CASKIN2: variants seen among roughly 807,000 people sequenced by gnomAD.
CASKIN2 encodes CASK interacting protein 2, also known as caskin-2.
CASKIN2 carries 41 observed loss-of-function variants against 107.1 expected under a neutral mutation model. The ratio of observed to expected loss-of-function variants is 0.38; its 90% CI spans 0.30 to 0.50. CASKIN2 has a LOEUF of 0.50. Ranked by LOEUF, CASKIN2 falls within the 20% of genes least tolerant of loss-of-function variation. The pLI is 0.92. For missense variants in CASKIN2, 1,546 were observed against 1,657.4 expected (o/e 0.93, Z 1.17); for synonymous variants, 724 against 705.6 (o/e 1.03, Z -0.41).
rs544494683 is a variant in CASKIN2 at position 75,504,857 on chromosome 17, T to C, written c.1147A>G (p.Thr383Ala). ...CCCACCCGAGGAAGCTGGCTGTAGG[T>C]AAGAGGGTGCGGGGGTTCTTCGGCA... The part of the protein sequence containing the change: ...PPAEEPPHPL[T>A]YSQLPRVGLS... Residue 383 changes from threonine (T) to alanine (A), a missense_variant, in exon 11 of 20, where the codon ACC (threonine) becomes GCC (alanine). This residue lies in a region of CASKIN2 where 1,311 missense variants were observed against 1,311.0 expected (regional missense o/e 1.00). Transcript: ENST00000321617. The C allele has an allele frequency of 6.2e-7, 1 of 1,606,772 alleles. No individual in the cohort carries two copies. Among genetic ancestry groups the C allele is most frequent in the African/African-American group, 1.4e-5 (1 of 72,948 alleles).
At chr17:75,507,988 C>T in intron 3 of CASKIN2, 2 of 591,854 alleles carry the variant, frequency 3.4e-6, no homozygotes, top group Non-Finnish European at 6.0e-6. Flanking sequence ...GGAATCTGAC[C>T]CCAGGAGGCC....
rs768786355 is a variant in CASKIN2, at chr17:75,505,479, T to C, written c.930+78A>G. ...CATATAGAGACCTCAGAGCAGAACG[T>C]GGTAACATAGCAGGTGCCCAAATAA... On this transcript the variant is annotated intron_variant, in intron 10 of 19. Transcript: ENST00000321617. The surrounding 1 kb of genome is among the most constrained non-coding windows in gnomAD (Gnocchi z 5.1). 1 of 1,346,806 alleles carries C rather than the reference T, an allele frequency of 7.4e-7. No homozygotes were observed. The highest frequency in any genetic ancestry group is 1.2e-5 in the South Asian group (1 of 85,516). The allele number at this position is 1,346,806 out of a possible 1,614,324, so 83.4% of individuals were successfully genotyped here. A position where few individuals can be genotyped will look rare whatever the true frequency, so the allele number is the denominator to read the frequency against.
At position 75,502,221 on chromosome 17, in the gene CASKIN2, C is replaced by G. The variant is rs368886818; in HGVS notation, c.2853G>C (p.Pro951=). Reference sequence around the variant, plus strand: ...TGGTCAGGTTCCCTTCCTCTGCAAACGGCAGCCCTTCCCCAGAGCTGCCCC... The same window carrying G: ...TGGTCAGGTTCCCTTCCTCTGCAAAGGGCAGCCCTTCCCCAGAGCTGCCCC... ...PSRGSSGEGL[P]FAEEGNLTIK... Residue 951 remains proline (P), a synonymous_variant, in exon 18 of 20, where the codon CCG becomes CCC. Transcript: ENST00000321617. The surrounding 1 kb of genome is among the most constrained non-coding windows in gnomAD (Gnocchi z 4.3). 1 of 1,588,192 alleles carries G rather than the reference C, an allele frequency of 6.3e-7. No homozygotes were observed. Among genetic ancestry groups the G allele is most frequent in the Non-Finnish European group, 8.5e-7 (1 of 1,172,558 alleles).
chr17:75,505,047 G>A lies in CASKIN2; in HGVS notation c.957C>T (p.Arg319=). 6.8e-7 allele frequency: 1 copy of A among 1,473,092 alleles called. No individual in the cohort carries two copies. Among genetic ancestry groups the A allele is most frequent in the Non-Finnish European group, 9.1e-7 (1 of 1,095,210 alleles). 91.3% of individuals were successfully genotyped at this position (1,473,092 alleles called of 1,614,324 possible). A position where few individuals can be genotyped will look rare whatever the true frequency, so the allele number is the denominator to read the frequency against. The part of the protein sequence containing the change: ...ITVLEQHPDG[R]WKGHIHESQR... The stretch of plus-strand genomic sequence containing the variant: ...GGCTCTCGTGGATGTGGCCCTTCCA[G>A]CGGCCGTCGGGATGCTGTTCTAGCA... Residue 319 remains arginine (R), a synonymous_variant, in exon 11 of 20, where the codon CGC becomes CGT. Coordinates refer to ENST00000321617, the MANE Select transcript of CASKIN2 (RefSeq NM_020753.5). This position sits in a 1 kb window ranked among gnomAD's most constrained non-coding sequence, Gnocchi z 5.1.
rs2053267863 is a variant in CASKIN2 at position 75,506,547 on chromosome 17, G to T, written c.617+36C>A. 1 of 1,608,504 alleles carries T rather than the reference G, an allele frequency of 6.2e-7. No individual in the cohort carries two copies. The highest frequency in any genetic ancestry group is 1.3e-5 in the African/African-American group (1 of 74,840). Reference sequence around the variant, plus strand: ...CTGAGGGGCACCGATGGTCCCGCAGGCAGGTGATGAGGAAGCGAGGGGACC... The same window carrying T: ...CTGAGGGGCACCGATGGTCCCGCAGTCAGGTGATGAGGAAGCGAGGGGACC... On this transcript the variant is annotated intron_variant, in intron 7 of 19. Coordinates refer to ENST00000321617, the MANE Select transcript of CASKIN2 (RefSeq NM_020753.5). The surrounding 1 kb of genome is among the most constrained non-coding windows in gnomAD (Gnocchi z 4.8).
intron 11 of CASKIN2, 35 bp downstream of exon 11, chr17:75,504,777 C>T: frequency 6.3e-7 from 1 of 1,589,220 alleles, no homozygotes. Context: ...CACACGCCCA[C>T]ACAGTGCCCA....
intron 2 of CASKIN2, among the ~76,000 whole-genome samples, chr17:75,512,297 G>C (rs2053321681): frequency 6.6e-6 from 1 of 152,182 alleles, no homozygotes; most frequent in African/African-American, 2.4e-5. Flanking sequence ...ACCACCTCCT[G>C]CCTATGCTGA....
intron 13 of CASKIN2, 27 bp downstream of exon 13, chr17:75,504,393 C>A: frequency 6.2e-7 from 1 of 1,603,010 alleles, no homozygotes; most frequent in East Asian, 2.2e-5. Context: ...CTCTCCTAGC[C>A]AACCCAGGTC....
At chr17:75,512,755 C>T (rs1183044624) in intron 2 of CASKIN2, among the ~76,000 whole-genome samples, 3 of 151,944 alleles carry the variant, frequency 2.0e-5, no homozygotes, top group African/African-American at 7.3e-5. Context: ...TAAAAATTAG[C>T]CAGGCGTTGT....
intron 1 of CASKIN2, among the ~76,000 whole-genome samples, chr17:75,515,018 GC>G (rs1343902182): frequency 2.0e-5 from 3 of 152,194 alleles, no homozygotes; most frequent in Non-Finnish European, 4.4e-5. Flanking sequence ...CAGGCCTGGG[GC>G]CCTGGCCGGG....
Position 75,505,272 on chromosome 17 carries a change from C to T in CASKIN2, c.931-199G>A, listed in dbSNP as rs903164834. ...CTCAATCTCCCCTGTGCCTCCAGGG[C>T]GAGCCCCAGTGGCAGCCCGTGGTCA... is the stretch of plus-strand genomic sequence containing the variant. On this transcript the variant is annotated intron_variant, in intron 10 of 19. Transcript: ENST00000321617. This position sits in a 1 kb window ranked among gnomAD's most constrained non-coding sequence, Gnocchi z 5.1. 15 of 674,104 alleles carry T rather than the reference C, an allele frequency of 2.2e-5. No individual in the cohort carries two copies. Among genetic ancestry groups the T allele is most frequent in the South Asian group, 1.7e-4 (9 of 53,646 alleles). 41.8% of individuals were successfully genotyped at this position (674,104 alleles called of 1,614,324 possible). A position where few individuals can be genotyped will look rare whatever the true frequency, so the allele number is the denominator to read the frequency against.
Position 75,505,966 on chromosome 17 carries a change from C to CT in CASKIN2, c.727-38dup. 1 of 1,556,098 alleles carries CT rather than the reference C, an allele frequency of 6.4e-7. No individual in the cohort carries two copies. The highest frequency in any genetic ancestry group is 8.8e-7 in the Non-Finnish European group (1 of 1,131,094). ...GTGTCACATGAGCACACGCTAAGCACTTTGACACCCCTCACCCGATTCTCT... is the reference window on the plus strand; with the variant it reads ...GTGTCACATGAGCACACGCTAAGCACTTTTGACACCCCTCACCCGATTCTCT... On this transcript the variant is annotated intron_variant, in intron 8 of 19. Coordinates refer to ENST00000321617, the MANE Select transcript of CASKIN2 (RefSeq NM_020753.5). The surrounding 1 kb of genome is among the most constrained non-coding windows in gnomAD (Gnocchi z 5.1).
In CASKIN2 at chr17:75,505,070, G is replaced by C. The variant is rs570652849; in HGVS notation, c.934C>G (p.Leu312Val). The stretch of plus-strand genomic sequence containing the variant: ...CAGCGGCCGTCGGGATGCTGTTCTA[G>C]CACCTGCGGCCAGGGGTGGGGGGCG... Reference protein sequence around the residue: ...NVRAGDVITVLEQHPDGRWKG... With the variant: ...NVRAGDVITVVEQHPDGRWKG... The change falls in exon 11 of 20, where the codon CTA becomes GTA. Residue 312 changes from leucine (L) to valine (V), a missense_variant. This residue lies in a region of CASKIN2 where 1,311 missense variants were observed against 1,311.0 expected (regional missense o/e 1.00). Transcript: ENST00000321617. The surrounding 1 kb of genome is among the most constrained non-coding windows in gnomAD (Gnocchi z 5.1). The C allele has an allele frequency of 3.9e-6, 5 of 1,267,318 alleles. No individual in the cohort carries two copies. Among genetic ancestry groups the C allele is most frequent in the Admixed American group, 1.9e-5 (1 of 52,808 alleles). 78.5% of individuals were successfully genotyped at this position (1,267,318 alleles called of 1,614,324 possible).
At chr17:75,503,787 C>G in intron 15 of CASKIN2, 27 bp from the exon 16 acceptor site, 1 of 1,611,478 alleles carries the variant, frequency 6.2e-7, no homozygotes, top group Non-Finnish European at 8.5e-7. Flanking sequence ...GGCCATCAGG[C>G]CCCTCCCCCG....
Position 75,502,815 on chromosome 17 carries a change from G to C in CASKIN2, c.2259C>G (p.Pro753=). 6.4e-7 allele frequency: 1 copy of C among 1,569,054 alleles called. No homozygotes were observed. Among genetic ancestry groups the C allele is most frequent in the South Asian group, 1.2e-5 (1 of 85,144 alleles). The change falls in exon 18 of 20, where the codon CCC becomes CCG. Residue 753 remains proline (P), a synonymous_variant. Coordinates refer to ENST00000321617, the MANE Select transcript of CASKIN2 (RefSeq NM_020753.5). This position sits in a 1 kb window ranked among gnomAD's most constrained non-coding sequence, Gnocchi z 4.3. The part of the protein sequence containing the change: ...CSSLPGQGPP[P]YVFMYPQGSP... ...AGCCCTGGGGGTACATAAAAACATA[G>C]GGTGGGGGTCCTTGGCCAGGAAGTG...
chr17:75,500,793 T>C lies in CASKIN2; in HGVS notation c.*287A>G. 2.5e-6 allele frequency: 1 copy of C among 395,800 alleles called. No individual in the cohort carries two copies. Among genetic ancestry groups the C allele is most frequent in the Non-Finnish European group, 4.7e-6 (1 of 213,266 alleles). 24.5% of individuals were successfully genotyped at this position (395,800 alleles called of 1,614,324 possible). A position where few individuals can be genotyped will look rare whatever the true frequency, so the allele number is the denominator to read the frequency against. ...ACTTCCTCCCTGAGGAGAGAGCTCTTACCAGGGTCCCTGTCCAGGAGCAGG... is the reference window on the plus strand; with the variant it reads ...ACTTCCTCCCTGAGGAGAGAGCTCTCACCAGGGTCCCTGTCCAGGAGCAGG... On this transcript the variant is annotated 3_prime_UTR_variant, in exon 20 of 20. Transcript: ENST00000321617.
At position 75,502,301 on chromosome 17, in the gene CASKIN2, G is replaced by A. The variant is rs1367822281; in HGVS notation, c.2773C>T (p.Pro925Ser). The A allele has an allele frequency of 9.4e-6, 14 of 1,496,576 alleles. No homozygotes were observed. Among genetic ancestry groups the A allele is most frequent in the Non-Finnish European group, 1.2e-5 (13 of 1,126,408 alleles). The allele number at this position is 1,496,576 out of a possible 1,614,324, so 92.7% of individuals were successfully genotyped here. Residue 925 changes from proline (P) to serine (S), a missense_variant, in exon 18 of 20, where the codon CCC (proline) becomes TCC (serine). Pro to Ser is a moderately conservative substitution (Grantham distance 74). Transcript: ENST00000321617. The surrounding 1 kb of genome is among the most constrained non-coding windows in gnomAD (Gnocchi z 4.3). ...EPPGPPAPAG[P>S]ASDTEEEEPG... ...TCCTCCTCCTCCGTGTCTGACGCGGGCCCAGCCGGGGCAGGTGGGCCAGGG... is the reference window on the plus strand; with the variant it reads ...TCCTCCTCCTCCGTGTCTGACGCGGACCCAGCCGGGGCAGGTGGGCCAGGG...
In CASKIN2 at chr17:75,501,919, G is replaced by T; in HGVS notation, c.3155C>A (p.Pro1052His). 1 of 1,584,298 alleles carries T rather than the reference G, an allele frequency of 6.3e-7. No homozygotes were observed. Among genetic ancestry groups the T allele is most frequent in the South Asian group, 1.2e-5 (1 of 86,094 alleles). Residue 1052 changes from proline to histidine, a missense_variant, in exon 18 of 20, where the codon CCC becomes CAC. Around this residue, in one of 6 missense-constraint regions of CASKIN2, gnomAD observed 1,311 missense variants for 1,311.0 expected, o/e 1.00. Coordinates refer to ENST00000321617, the MANE Select transcript of CASKIN2 (RefSeq NM_020753.5). ...SSLPAQGVPTPLAPSPAMQPP... is the reference protein window; with the variant it reads ...SSLPAQGVPTHLAPSPAMQPP... ...CTGCATGGCGGGGCTGGGAGCAAGG[G>T]GGGTTGGAACTCCTTGGGCTGGAAG...
In CASKIN2 at chr17:75,506,219, C is replaced by T; in HGVS notation, c.726+86G>A. The T allele has an allele frequency of 2.5e-6, 3 of 1,201,354 alleles. No individual in the cohort carries two copies. Among genetic ancestry groups the T allele is most frequent in the South Asian group, 2.6e-5 (2 of 76,526 alleles). The allele number at this position is 1,201,354 out of a possible 1,614,324, so 74.4% of individuals were successfully genotyped here. On this transcript the variant is annotated intron_variant, in intron 8 of 19. Coordinates refer to ENST00000321617, the MANE Select transcript of CASKIN2 (RefSeq NM_020753.5). The surrounding 1 kb of genome is among the most constrained non-coding windows in gnomAD (Gnocchi z 4.8). ...GCCCATGCAAAAACCACGCTGGAGT[C>T]CTCCGTCCCGTACCTCCCCAGCCAG...
Sources: gnomAD v4.1 joint callset for allele counts (sites outside exome capture counted in the v4.1 genomes callset) on GRCh38, gnomAD v4.1.1 for gene constraint, gnomAD v4.1.1 regional missense constraint, Gnocchi (gnomAD v3.1) non-coding constraint, MANE v1.5 for transcripts, NCBI Gene and HGNC (gene_info 2026-07-23, HGNC 2026-07-21) for gene names.